AGBL4: variants seen among roughly 807,000 people sequenced by gnomAD.
The protein encoded by AGBL4 is cytosolic carboxypeptidase 6.
Under a neutral mutation model 66.4 loss-of-function variants are expected in AGBL4, and 58 were observed. That is an observed-to-expected ratio of 0.87 (90% confidence interval 0.71 to 1.09). AGBL4 has a LOEUF of 1.09. Ranked by LOEUF, AGBL4 falls within the 50% of genes least tolerant of loss-of-function variation. The probability of loss-of-function intolerance (pLI) is 0.00; values close to 1 mark genes in which losing one functional copy is unlikely to be tolerated. For synonymous variants in AGBL4, 234 were observed against 222.9 expected (o/e 1.05, Z -0.44); for missense variants, 579 against 631.0 (o/e 0.92, Z 0.88).
At chr1:48,839,907 A>T (rs1057429011) in intron 6 of AGBL4, among the ~76,000 whole-genome samples, 2 of 152,052 alleles carry the variant, frequency 1.3e-5, no homozygotes, top group Admixed American at 1.3e-4. Context: ...GGAGGCTTCT[A>T]TGTCTTTTTA....
chr1:48,820,525 G>A (rs1646287636), intron 6 of AGBL4, among the ~76,000 whole-genome samples: 1 of 152,158 alleles, frequency 6.6e-6, no homozygotes, highest in Non-Finnish European at 1.5e-5. Context: ...TCAGTTGAAA[G>A]TCTGAATACA....
chr1:49,934,852 G>C (rs921066455), intron 1 of AGBL4, among the ~76,000 whole-genome samples: 1 of 151,152 alleles, frequency 6.6e-6, no homozygotes, highest in Non-Finnish European at 1.5e-5. Context: ...GGAGAGGGCA[G>C]CCAAGATGGC....
chr1:49,213,686 A>G (rs113955393), intron 4 of AGBL4, among the ~76,000 whole-genome samples: 4 of 152,128 alleles, frequency 2.6e-5, no homozygotes, highest in Non-Finnish European at 5.9e-5. Flanking sequence ...ATATTTCTTT[A>G]TAACAATGCA....
At chr1:49,560,419 T>C (rs1474617112) in intron 3 of AGBL4, among the ~76,000 whole-genome samples, 1 of 151,850 alleles carries the variant, frequency 6.6e-6, no homozygotes, top group Non-Finnish European at 1.5e-5. Context: ...CTATTTAAAA[T>C]ACACAGAGTA....
chr1:49,827,796 G>C (rs1476707665), intron 2 of AGBL4, among the ~76,000 whole-genome samples: 2 of 152,198 alleles, frequency 1.3e-5, no homozygotes, highest in Non-Finnish European at 2.9e-5. Context: ...GTCATGCACA[G>C]TAGGATCATA....
intron 6 of AGBL4, among the ~76,000 whole-genome samples, chr1:48,798,546 T>C (rs987314821): frequency 1.5e-4 from 23 of 152,196 alleles, no homozygotes; most frequent in African/African-American, 4.8e-4. Flanking sequence ...ATTTGCTTTG[T>C]TTTGTTGCAT....
At chr1:48,996,290 C>G (rs1447725860) in intron 5 of AGBL4, among the ~76,000 whole-genome samples, 1 of 152,140 alleles carries the variant, frequency 6.6e-6, no homozygotes, top group African/African-American at 2.4e-5. Flanking sequence ...AGATATGGAA[C>G]TCATTAGCAT....
At chr1:49,745,272 T>C (rs907334980) in intron 2 of AGBL4, among the ~76,000 whole-genome samples, 8 of 152,060 alleles carry the variant, frequency 5.3e-5, no homozygotes, top group African/African-American at 1.7e-4. Flanking sequence ...TCACGTTCCA[T>C]AGTTTACCTA....
At chr1:48,558,140 C>T (rs1557784645) in intron 11 of AGBL4, among the ~76,000 whole-genome samples, 1 of 152,180 alleles carries the variant, frequency 6.6e-6, no homozygotes, top group African/African-American at 2.4e-5. Context: ...AATGTGAAAG[C>T]ACCCGTATGG....
chr1:48,861,565 A>G (rs1207298327), intron 6 of AGBL4, among the ~76,000 whole-genome samples: 6 of 152,216 alleles, frequency 3.9e-5, no homozygotes, highest in African/African-American at 1.4e-4. Flanking sequence ...CTCATCAGCA[A>G]CTATGGATCC....
chr1:49,486,516 G>A (rs1183465232), intron 3 of AGBL4, among the ~76,000 whole-genome samples: 1 of 151,958 alleles, frequency 6.6e-6, no homozygotes, highest in African/African-American at 2.4e-5. Flanking sequence ...ATAAGACCTT[G>A]TGGTCCTTAG....
intron 1 of AGBL4, among the ~76,000 whole-genome samples, chr1:49,940,536 T>G (rs1172743074): frequency 2.6e-5 from 4 of 152,066 alleles, no homozygotes; most frequent in African/African-American, 4.8e-5. Flanking sequence ...AAATGATGAG[T>G]TCATGTCCTT....
intron 6 of AGBL4, among the ~76,000 whole-genome samples, chr1:48,701,586 C>T (rs188698831): frequency 1.3e-5 from 2 of 152,276 alleles, no homozygotes; most frequent in Admixed American, 1.3e-4. Context: ...GCTACAGGCA[C>T]ACACAGCCAC....
chr1:49,241,197 A>G (rs1043122461), intron 4 of AGBL4, among the ~76,000 whole-genome samples: 2 of 152,080 alleles, frequency 1.3e-5, no homozygotes, highest in African/African-American at 4.8e-5. Context: ...TGATCTTTCT[A>G]AACTGCCAAT....
At chr1:49,082,298 T>A (rs1047469776) in intron 4 of AGBL4, among the ~76,000 whole-genome samples, 35 of 152,190 alleles carry the variant, frequency 2.3e-4, no homozygotes, top group Non-Finnish European at 4.1e-4. Flanking sequence ...GAGAGGATTT[T>A]ACAAATTTGG....
At chr1:49,035,264 G>T (rs1447900874) in intron 5 of AGBL4, among the ~76,000 whole-genome samples, 1 of 152,106 alleles carries the variant, frequency 6.6e-6, no homozygotes. Context: ...AGTCACGCAG[G>T]TCTACTGCAA....
chr1:49,955,803 G>GA (rs1433615254), intron 1 of AGBL4, among the ~76,000 whole-genome samples: 2 of 151,250 alleles, frequency 1.3e-5, no homozygotes, highest in African/African-American at 4.9e-5. Context: ...GTGTGCCCTG[G>GA]AAAAAAAAGT....
chr1:49,251,293 C>G (rs537434638), intron 3 of AGBL4, among the ~76,000 whole-genome samples: 1 of 152,204 alleles, frequency 6.6e-6, no homozygotes, highest in Non-Finnish European at 1.5e-5. Flanking sequence ...CATCACTTTG[C>G]TGGTGTGTGT....
At chr1:49,747,792 G>A (rs1012504346) in intron 2 of AGBL4, among the ~76,000 whole-genome samples, 1 of 152,032 alleles carries the variant, frequency 6.6e-6, no homozygotes, top group Non-Finnish European at 1.5e-5. Context: ...TAGAAGGCAG[G>A]CAAATGTTTA....
Sources: allele counts gnomAD v4.1 joint callset (sites outside exome capture counted in the v4.1 genomes callset), GRCh38; gene constraint gnomAD v4.1.1; transcripts MANE v1.5; gene names NCBI Gene and HGNC (gene_info 2026-07-23, HGNC 2026-07-21).